EBF1: variants seen among roughly 807,000 people sequenced by gnomAD.
The protein encoded by EBF1 is transcription factor COE1.
A neutral mutation model predicts 68.4 loss-of-function variants in EBF1; 10 were observed. The observed-to-expected ratio is 0.15, with a 90% CI of 0.09 to 0.25. The LOEUF (loss-of-function observed/expected upper bound fraction) is 0.25. EBF1 is among the 10% of genes least tolerant of loss of function. The pLI is 1.00. For synonymous variants in EBF1, 298 were observed against 299.8 expected (o/e 0.99, Z 0.06); for missense variants, 509 against 794.4 (o/e 0.64, Z 4.32).
Position 158,699,012 on chromosome 5 carries a change from A to AAG in EBF1, c.*97_*98dup. Reference sequence around the variant, plus strand: ...TGCAGTTATTGTGATTCCTCTTAAAAAGGCCTGAGTTAAAAGTTCCACTCT... The same window carrying AAG: ...TGCAGTTATTGTGATTCCTCTTAAAAAGAGGCCTGAGTTAAAAGTTCCACTCT... On this transcript the variant is annotated 3_prime_UTR_variant, in exon 16 of 16. Transcript: ENST00000313708. 8.8e-7 allele frequency: 1 copy of AAG among 1,138,586 alleles called. No homozygotes were observed. Among genetic ancestry groups the AAG allele is most frequent in the South Asian group, 1.8e-5 (1 of 55,628 alleles). 70.5% of individuals were successfully genotyped at this position (1,138,586 alleles called of 1,614,324 possible). A position where few individuals can be genotyped will look rare whatever the true frequency, so the allele number is the denominator to read the frequency against.
At chr5:158,848,767 T>C (rs1792032693) in intron 6 of EBF1, among the ~76,000 whole-genome samples, 1 of 152,232 alleles carries the variant, frequency 6.6e-6, no homozygotes, top group South Asian at 2.1e-4. Context: ...CAGATTCATT[T>C]AGAATCTCAC....
At position 159,094,165 on chromosome 5, in the gene EBF1, C is replaced by CAAAAAAAAAAAAAAAA. The variant is rs869228922; in HGVS notation, c.411+1439_411+1454dup. Reference sequence around the variant, plus strand: ...GCTTTTGTGTTTCTGCCTTGGAAGGCAAAAAAAAAAAAAAAAAAAAAAAAA... The same window carrying CAAAAAAAAAAAAAAAA: ...GCTTTTGTGTTTCTGCCTTGGAAGGCAAAAAAAAAAAAAAAAAAAAAAAAAAAAAAAAAAAAAAAAA... On this transcript the variant is annotated intron_variant, in intron 4 of 15. Transcript: ENST00000313708. Among the ~76,000 whole-genome samples the CAAAAAAAAAAAAAAAA allele has an allele frequency of 9.1e-5, 2 of 21,874 alleles. 1 individual carries two copies. Among genetic ancestry groups the CAAAAAAAAAAAAAAAA allele is most frequent in the African/African-American group, 2.8e-4 (2 of 7,218 alleles). 14.4% of individuals were successfully genotyped at this position (21,874 alleles called of 152,430 possible). A position where few individuals can be genotyped will look rare whatever the true frequency, so the allele number is the denominator to read the frequency against.
intron 6 of EBF1, among the ~76,000 whole-genome samples, chr5:159,051,444 C>A (rs913185772): frequency 2.8e-5 from 4 of 140,504 alleles, no homozygotes; most frequent in South Asian, 2.4e-4. Context: ...CCCACCCCCC[C>A]ACCCCGCCGC....
chr5:159,020,790 TA>T (rs1458535662), intron 6 of EBF1, among the ~76,000 whole-genome samples: 1 of 152,202 alleles, frequency 6.6e-6, no homozygotes, highest in Non-Finnish European at 1.5e-5. Flanking sequence ...GTGGAAGTCA[TA>T]AAGTAAGTAG....
At chr5:158,861,855 AT>A (rs1413540998) in intron 6 of EBF1, among the ~76,000 whole-genome samples, 8 of 151,948 alleles carry the variant, frequency 5.3e-5, no homozygotes, top group African/African-American at 1.5e-4. Flanking sequence ...AAAAAAAAAA[AT>A]GTTTAAAATC....
At chr5:158,700,079 G>A (rs763258940) in intron 15 of EBF1, among the ~76,000 whole-genome samples, 18 of 152,230 alleles carry the variant, frequency 1.2e-4, no homozygotes, top group Non-Finnish European at 2.1e-4. Flanking sequence ...CTTAGCCTGG[G>A]TTCAGCTCCT....
At chr5:158,885,550 G>A (rs1212012211) in intron 6 of EBF1, among the ~76,000 whole-genome samples, 1 of 152,126 alleles carries the variant, frequency 6.6e-6, no homozygotes, top group African/African-American at 2.4e-5. Flanking sequence ...ATTACAAGGA[G>A]CAGAAGCAAC....
intron 15 of EBF1, 88 bp downstream of exon 15, chr5:158,707,891 T>C: frequency 7.0e-7 from 1 of 1,425,798 alleles, no homozygotes; most frequent in Non-Finnish European, 9.5e-7. Flanking sequence ...GCTGATACCC[T>C]CAGCAATGGT....
intron 6 of EBF1, among the ~76,000 whole-genome samples, chr5:158,895,135 C>A (rs1049529676): frequency 1.3e-5 from 2 of 152,088 alleles, no homozygotes; most frequent in Non-Finnish European, 2.9e-5. Flanking sequence ...ATCATTTTCC[C>A]TTGTAGGACT....
intron 2 of EBF1, 56 bp downstream of exon 2, chr5:159,096,917 CG>C: frequency 6.3e-7 from 1 of 1,589,892 alleles, no homozygotes. Flanking sequence ...CCAAGGCTCC[CG>C]GGCCTGCTCC....
intron 6 of EBF1, among the ~76,000 whole-genome samples, chr5:158,914,420 C>T (rs1285725126): frequency 1.3e-5 from 2 of 152,018 alleles, no homozygotes; most frequent in African/African-American, 2.4e-5. Flanking sequence ...TCATGCCGCA[C>T]GAGGGGGGTA....
At chr5:158,749,974 A>C (rs899207028) in intron 10 of EBF1, among the ~76,000 whole-genome samples, 1 of 152,126 alleles carries the variant, frequency 6.6e-6, no homozygotes, top group Non-Finnish European at 1.5e-5. Flanking sequence ...TTTTGTAGTC[A>C]ACAGTATGGG....
intron 6 of EBF1, among the ~76,000 whole-genome samples, chr5:158,928,460 T>A (rs968251393): frequency 7.2e-5 from 11 of 152,146 alleles, no homozygotes; most frequent in Non-Finnish European, 1.6e-4. Context: ...TGAAAAAAAA[T>A]AATTTTTTGG....
intron 8 of EBF1, among the ~76,000 whole-genome samples, chr5:158,810,868 T>G (rs1397870457): frequency 6.6e-6 from 1 of 152,164 alleles, no homozygotes; most frequent in Non-Finnish European, 1.5e-5. Context: ...TTAGTGCTTC[T>G]GTTATAACTG....
At chr5:158,854,032 C>G (rs146658118) in intron 6 of EBF1, among the ~76,000 whole-genome samples, 2 of 152,286 alleles carry the variant, frequency 1.3e-5, no homozygotes, top group East Asian at 3.9e-4. Context: ...AATATGGGTA[C>G]AGTGTTGTCA....
chr5:158,837,011 C>T (rs986792085), intron 7 of EBF1, among the ~76,000 whole-genome samples: 1 of 152,188 alleles, frequency 6.6e-6, no homozygotes, highest in Non-Finnish European at 1.5e-5. Flanking sequence ...GCAGCTCTCA[C>T]ACTTAATCAA....
Position 158,930,136 on chromosome 5 carries a change from A to G in EBF1, c.555-90026T>C, listed in dbSNP as rs73300096. ...AGCATTGTACTTTTGAGTGTTAGAAATACGAAATGCAAGTTAGTCAGGTGT... is the reference window on the plus strand; with the variant it reads ...AGCATTGTACTTTTGAGTGTTAGAAGTACGAAATGCAAGTTAGTCAGGTGT... On this transcript the variant is annotated intron_variant, in intron 6 of 15. Coordinates refer to ENST00000313708, the MANE Select transcript of EBF1 (RefSeq NM_024007.5). Among the ~76,000 whole-genome samples the G allele has an allele frequency of 2.2e-3, 338 of 152,324 alleles. 1 individual carries two copies. Among genetic ancestry groups the G allele is most frequent in the African/African-American group, 7.8e-3 (324 of 41,574 alleles).
In EBF1 at chr5:158,928,830, T is replaced by C. The variant is rs188983492; in HGVS notation, c.555-88720A>G. On this transcript the variant is annotated intron_variant, in intron 6 of 15. Coordinates refer to ENST00000313708, the MANE Select transcript of EBF1 (RefSeq NM_024007.5). ...CAGCTATTATGATCCAGGAAGCCAGTTTATATATCTGCAAATGATCTCACT... is the reference window on the plus strand; with the variant it reads ...CAGCTATTATGATCCAGGAAGCCAGCTTATATATCTGCAAATGATCTCACT... 4.7e-3 allele frequency among the ~76,000 whole-genome samples: 715 copies of C among 152,326 alleles called. 3 individuals are homozygous for C. The highest frequency in any genetic ancestry group is 0.014 in the African/African-American group (592 of 41,566).
chr5:159,064,047 G>GC (rs1009644724), intron 6 of EBF1, among the ~76,000 whole-genome samples: 1 of 151,942 alleles, frequency 6.6e-6, no homozygotes, highest in Non-Finnish European at 1.5e-5. Context: ...GATTACTGAT[G>GC]TTTTTTTCAA....
Sources: allele counts gnomAD v4.1 joint callset (sites outside exome capture counted in the v4.1 genomes callset), GRCh38; gene constraint gnomAD v4.1.1; transcripts MANE v1.5; gene names NCBI Gene and HGNC (gene_info 2026-07-23, HGNC 2026-07-21).